Variants in HABP4 observed in about 807,000 individuals in gnomAD.
HABP4 encodes the protein intracellular hyaluronan-binding protein 4.
HABP4 carries 32 observed loss-of-function variants against 44.1 expected under a neutral mutation model. The ratio of observed to expected loss-of-function variants is 0.73; its 90% CI spans 0.55 to 0.97. HABP4 has a LOEUF of 0.97. Among genes scored for constraint, HABP4 ranks in the 50% least tolerant of loss-of-function variants. The probability of loss-of-function intolerance (pLI) is 0.00; values close to 1 mark genes in which losing one functional copy is unlikely to be tolerated. For synonymous variants in HABP4, 216 were observed against 218.0 expected (o/e 0.99, Z 0.08); for missense variants, 503 against 561.9 (o/e 0.90, Z 1.06).
Position 96,490,228 on chromosome 9 carries a change from C to T in HABP4, c.*190C>T. ...AGAGGCTCGAGAGCAGGCCATTTCC[C>T]AAGAAGATGAAGAATGGTGACTGTG... On this transcript the variant is annotated 3_prime_UTR_variant, in exon 8 of 8. Coordinates refer to ENST00000375249, the MANE Select transcript of HABP4 (RefSeq NM_014282.4). The T allele has an allele frequency of 1.7e-6, 1 of 585,104 alleles. No homozygotes were observed. Among genetic ancestry groups the T allele is most frequent in the Non-Finnish European group, 3.0e-6 (1 of 329,168 alleles). 36.2% of individuals were successfully genotyped at this position (585,104 alleles called of 1,614,324 possible).
At chr9:96,456,819 A>ATATATATC (rs1183734164) in intron 1 of HABP4, among the ~76,000 whole-genome samples, 3 of 123,576 alleles carry the variant, frequency 2.4e-5, no homozygotes, top group East Asian at 4.8e-4. Flanking sequence ...ATATATATAT[A>ATATATATC]TATCCATTAA....
intron 2 of HABP4, among the ~76,000 whole-genome samples, chr9:96,458,919 G>A (rs896498274): frequency 2.6e-5 from 4 of 152,088 alleles, no homozygotes; most frequent in African/African-American, 7.2e-5. Context: ...CACCATGCCC[G>A]GCCCAGAAAA....
intron 1 of HABP4, among the ~76,000 whole-genome samples, chr9:96,456,635 C>A (rs1453150731): frequency 6.6e-6 from 1 of 150,528 alleles, no homozygotes; most frequent in African/African-American, 2.4e-5. Flanking sequence ...TGGCGGGCGC[C>A]TATAGTCCCA....
At chr9:96,464,197 G>C (rs943971621) in intron 2 of HABP4, among the ~76,000 whole-genome samples, 1 of 152,184 alleles carries the variant, frequency 6.6e-6, no homozygotes, top group Admixed American at 6.5e-5. Flanking sequence ...TTGGGCATGT[G>C]TGTGCCTGAC....
intron 5 of HABP4, among the ~76,000 whole-genome samples, chr9:96,471,853 C>T (rs961059807): frequency 8.6e-5 from 13 of 152,036 alleles, no homozygotes; most frequent in South Asian, 4.1e-4. Flanking sequence ...TGCAATGGCG[C>T]GATCTTGGCT....
In HABP4 at chr9:96,465,704, C is replaced by A; in HGVS notation, c.675-6C>A. 1 of 1,583,184 alleles carries A rather than the reference C, an allele frequency of 6.3e-7. No homozygotes were observed. The highest frequency in any genetic ancestry group is 1.3e-5 in the African/African-American group (1 of 74,420). Reference sequence around the variant, plus strand: ...TGGTTTAAGGGACTATTCTTTCTTTCCGTAGAGCAGTCAGAACTGAAGACA... The same window carrying A: ...TGGTTTAAGGGACTATTCTTTCTTTACGTAGAGCAGTCAGAACTGAAGACA... On this transcript the variant is annotated splice_polypyrimidine_tract_variant and splice_region_variant and intron_variant, in intron 3 of 7. Coordinates refer to ENST00000375249, the MANE Select transcript of HABP4 (RefSeq NM_014282.4).
At chr9:96,463,412 G>A (rs1036544733) in intron 2 of HABP4, among the ~76,000 whole-genome samples, 1 of 151,790 alleles carries the variant, frequency 6.6e-6, no homozygotes, top group Non-Finnish European at 1.5e-5. Flanking sequence ...CCGCCACAAC[G>A]GCCGGCTAAT....
intron 1 of HABP4, among the ~76,000 whole-genome samples, chr9:96,453,054 G>C (rs894425527): frequency 1.4e-5 from 2 of 144,862 alleles, no homozygotes; most frequent in African/African-American, 5.1e-5. Context: ...CTTAGTAGCT[G>C]GCATTACAGG....
At chr9:96,457,350 A>C (rs1197105257) in intron 1 of HABP4, among the ~76,000 whole-genome samples, 1 of 152,088 alleles carries the variant, frequency 6.6e-6, no homozygotes, top group South Asian at 2.1e-4. Context: ...TCAAAAAAAA[A>C]ACACAAGAAC....
At chr9:96,452,922 T>G (rs977128533) in intron 1 of HABP4, among the ~76,000 whole-genome samples, 6 of 143,536 alleles carry the variant, frequency 4.2e-5, no homozygotes, top group African/African-American at 1.0e-4. Context: ...TTTTTTTTTT[T>G]TTTTTTTTTT....
Position 96,450,985 on chromosome 9 carries a change from T to G in HABP4, c.349+357T>G, listed in dbSNP as rs982044897. 4.3e-4 allele frequency among the ~76,000 whole-genome samples: 66 copies of G among 152,154 alleles called. No homozygotes were observed. Among genetic ancestry groups the G allele is most frequent in the Non-Finnish European group, 8.4e-4 (57 of 67,988 alleles). ...CATCCAGACCTGGCGGGGACCTTCA[T>G]CTTCCAGCCCAGCCTCTGCAAGATT... On this transcript the variant is annotated intron_variant, in intron 1 of 7. Transcript: ENST00000375249. The surrounding 1 kb of genome is among the most constrained non-coding windows in gnomAD (Gnocchi z 4.8).
chr9:96,452,247 T>C (rs62558782), intron 1 of HABP4, among the ~76,000 whole-genome samples: 1 of 149,990 alleles, frequency 6.7e-6, no homozygotes, highest in African/African-American at 2.5e-5. Context: ...AAAAAAAAAT[T>C]CTGTGCTTCA....
At chr9:96,457,634 G>A (rs1832417265) in intron 1 of HABP4, among the ~76,000 whole-genome samples, 1 of 152,234 alleles carries the variant, frequency 6.6e-6, no homozygotes, top group Non-Finnish European at 1.5e-5. Flanking sequence ...TCAGGAGGGT[G>A]AGGTGGGTGA....
At chr9:96,464,444 A>G (rs1832562169) in intron 2 of HABP4, among the ~76,000 whole-genome samples, 1 of 152,226 alleles carries the variant, frequency 6.6e-6, no homozygotes, top group African/African-American at 2.4e-5. Context: ...ATAAGGACAG[A>G]TGGGTATCCG....
chr9:96,487,762 C>G (rs555187742), intron 6 of HABP4, among the ~76,000 whole-genome samples: 34 of 152,128 alleles, frequency 2.2e-4, no homozygotes, highest in Non-Finnish European at 2.9e-5. Flanking sequence ...TTAGTCATGC[C>G]AAATCTTATA....
Position 96,490,131 on chromosome 9 carries a change from T to C in HABP4, c.*93T>C, listed in dbSNP as rs997151407. The C allele has an allele frequency of 3.5e-5, 28 of 792,056 alleles. No homozygotes were observed. The highest frequency in any genetic ancestry group is 5.6e-5 in the Non-Finnish European group (25 of 444,944). 49.1% of individuals were successfully genotyped at this position (792,056 alleles called of 1,614,324 possible). A position where few individuals can be genotyped will look rare whatever the true frequency, so the allele number is the denominator to read the frequency against. On this transcript the variant is annotated 3_prime_UTR_variant, in exon 8 of 8. Coordinates refer to ENST00000375249, the MANE Select transcript of HABP4 (RefSeq NM_014282.4). Reference sequence around the variant, plus strand: ...CAAGGGAGTCAGACTCTAAGAACAATAGATGTTGCTTTTCCCGTGTCATGT... The same window carrying C: ...CAAGGGAGTCAGACTCTAAGAACAACAGATGTTGCTTTTCCCGTGTCATGT...
At chr9:96,452,427 G>C (rs1322220921) in intron 1 of HABP4, among the ~76,000 whole-genome samples, 1 of 151,960 alleles carries the variant, frequency 6.6e-6, no homozygotes, top group Non-Finnish European at 1.5e-5. Flanking sequence ...TAAATGCACA[G>C]AGCTATTTCT....
chr9:96,457,286 A>AGCCGAGATCGGGCCATT (rs1441177268), intron 1 of HABP4, among the ~76,000 whole-genome samples: 1 of 152,080 alleles, frequency 6.6e-6, no homozygotes, highest in Non-Finnish European at 1.5e-5. Flanking sequence ...GGTTGCAGTG[A>AGCCGAGATCGGGCCATT]GCCGAGATCG....
intron 5 of HABP4, 39 bp downstream of exon 5, chr9:96,471,133 C>G: frequency 9.6e-7 from 1 of 1,045,584 alleles, no homozygotes; most frequent in Admixed American, 1.8e-5. Flanking sequence ...GGTGTTGGTT[C>G]TCTTCTTAAT....
Sources: allele counts gnomAD v4.1 joint callset (sites outside exome capture counted in the v4.1 genomes callset), GRCh38; gene constraint gnomAD v4.1.1; non-coding constraint Gnocchi (gnomAD v3.1); transcripts MANE v1.5; gene names NCBI Gene and HGNC (gene_info 2026-07-23, HGNC 2026-07-21).